Variants in TBCD observed in about 807,000 individuals in gnomAD.
The protein encoded by TBCD is tubulin-specific chaperone D.
TBCD carries 105 observed loss-of-function variants against 169.3 expected under a neutral mutation model. The observed-to-expected ratio is 0.62, with a 90% CI of 0.53 to 0.73. TBCD has a LOEUF of 0.73. Ranked by LOEUF, TBCD falls within the 30% of genes least tolerant of loss-of-function variation. The probability of loss-of-function intolerance (pLI) is 0.00; values close to 1 mark genes in which losing one functional copy is unlikely to be tolerated. For missense variants in TBCD, 1,444 were observed against 1,600.1 expected, an observed-to-expected ratio of 0.90 and a Z score of 1.66; for synonymous variants, 700 against 643.9, an observed-to-expected ratio of 1.09 and a Z score of -1.32.
intron 13 of TBCD, among the ~76,000 whole-genome samples, chr17:82,862,820 A>G (rs1445058133): frequency 6.6e-6 from 1 of 152,218 alleles, no homozygotes; most frequent in Non-Finnish European, 1.5e-5. Flanking sequence ...ATGGAAGTCC[A>G]GGCGGCCACC....
In TBCD at chr17:82,832,010, C is replaced by T. The variant is rs977516372; in HGVS notation, c.1318+17076C>T. The T allele has an allele frequency of 6.2e-7, 1 of 1,612,558 alleles. No homozygotes were observed. Among genetic ancestry groups the T allele is most frequent in the Non-Finnish European group, 8.5e-7 (1 of 1,178,806 alleles). ...GCTGCGCCTTCCAGAGCAGGCTGGG[C>T]ACCGAGGGCGGCTTCCGGAGCTGGG... On this transcript the variant is annotated intron_variant, in intron 13 of 38. Transcript: ENST00000355528. The surrounding 1 kb of genome is among the most constrained non-coding windows in gnomAD (Gnocchi z 4.9).
chr17:82,758,509 T>C (rs988756284), intron 2 of TBCD, among the ~76,000 whole-genome samples: 4 of 149,358 alleles, frequency 2.7e-5, no homozygotes, highest in African/African-American at 9.8e-5. Context: ...CTTGGCCTCC[T>C]AAAGTGCTGG....
intron 13 of TBCD, chr17:82,865,549 G>T (rs2057111340): frequency 1.0e-6 from 1 of 985,464 alleles, no homozygotes. Flanking sequence ...GGGGTACTCG[G>T]CTGCACTGTG....
intron 13 of TBCD, among the ~76,000 whole-genome samples, chr17:82,825,294 T>C (rs955651705): frequency 3.3e-5 from 5 of 151,888 alleles, no homozygotes; most frequent in African/African-American, 1.2e-4. Context: ...TTCTTGGGGG[T>C]GTGATGTGAG....
In TBCD at chr17:82,809,641, C is replaced by A. The variant is rs143716865; in HGVS notation, c.1149-67C>A. The A allele has an allele frequency of 3.0e-4, 449 of 1,516,544 alleles. 2 individuals are homozygous for A. The African/African-American group carries it at 5.7e-3, about 19-fold the overall frequency. 93.9% of individuals were successfully genotyped at this position (1,516,544 alleles called of 1,614,324 possible). ...AGGATGGGTGTTCAGGCCATTCACA[C>A]GTGTCACGCATGCCCTTGGCGACAG... On this transcript the variant is annotated intron_variant, in intron 11 of 38. Transcript: ENST00000355528.
intron 13 of TBCD, among the ~76,000 whole-genome samples, chr17:82,857,864 A>G (rs192763205): frequency 2.6e-5 from 4 of 151,002 alleles, no homozygotes; most frequent in African/African-American, 9.8e-5. Flanking sequence ...TACATGTGCC[A>G]TGCTGCTGCA....
chr17:82,890,937 C>G lies in TBCD; in HGVS notation c.1563+1240C>G, dbSNP rs913151813. Among the ~76,000 whole-genome samples the G allele has an allele frequency of 1.6e-4, 25 of 152,308 alleles. No individual in the cohort carries two copies. Among genetic ancestry groups the G allele is most frequent in the African/African-American group, 5.3e-4 (22 of 41,558 alleles). On this transcript the variant is annotated intron_variant, in intron 16 of 38. Coordinates refer to ENST00000355528, the MANE Select transcript of TBCD (RefSeq NM_005993.5). The surrounding 1 kb of genome is among the most constrained non-coding windows in gnomAD (Gnocchi z 5.3). ...CTTGTTGGAAACCACTTAGCTGAGC[C>G]TAGGGACTTGCCAGCTTCCTGGAAA...
intron 22 of TBCD, among the ~76,000 whole-genome samples, chr17:82,910,128 T>C (rs1186903813): frequency 6.6e-6 from 1 of 152,196 alleles, no homozygotes; most frequent in Non-Finnish European, 1.5e-5. Flanking sequence ...GACGTACAAG[T>C]CTTGGTACGT....
intron 15 of TBCD, among the ~76,000 whole-genome samples, chr17:82,887,436 G>A (rs376038955): frequency 3.3e-5 from 5 of 151,974 alleles, no homozygotes; most frequent in African/African-American, 7.3e-5. Flanking sequence ...TTCTTCTCTC[G>A]GCACAGCTCT....
chr17:82,909,249 T>C (rs1289158121), intron 21 of TBCD, 36 bp from the exon 22 acceptor site: 2 of 1,447,034 alleles, frequency 1.4e-6, no homozygotes, highest in Admixed American at 4.0e-5. Flanking sequence ...TTTTAAAATT[T>C]AAATCATTAA....
intron 7 of TBCD, among the ~76,000 whole-genome samples, chr17:82,794,267 CTGGCTCGCACGTTGCAGAGA>C (rs2049950543): frequency 6.6e-6 from 1 of 151,860 alleles, no homozygotes; most frequent in South Asian, 2.1e-4. Context: ...GGGGGGGAAG[CTGGCTCGCACGTTGCAGAGA>C]AGCCAGCTTG....
chr17:82,908,344 A>ATT (rs776127730), intron 21 of TBCD: 1 of 456,536 alleles, frequency 2.2e-6, no homozygotes, highest in Admixed American at 2.3e-5. Context: ...GTAAAGCAGA[A>ATT]TTTTGTGTGT....
At chr17:82,783,516 C>A (rs1343673951) in intron 7 of TBCD, among the ~76,000 whole-genome samples, 1 of 152,216 alleles carries the variant, frequency 6.6e-6, no homozygotes, top group Non-Finnish European at 1.5e-5. Flanking sequence ...CCGTCCCTCA[C>A]CTTCCCCAGC....
At chr17:82,882,798 G>C (rs560793326) in intron 14 of TBCD, among the ~76,000 whole-genome samples, 2 of 152,154 alleles carry the variant, frequency 1.3e-5, no homozygotes, top group Non-Finnish European at 2.9e-5. Flanking sequence ...GGTCTGGGGC[G>C]ACAGACAGTG....
In TBCD at chr17:82,926,424, A is replaced by C; in HGVS notation, c.2404A>C (p.Thr802Pro). The part of the protein sequence containing the change: ...QQVLTGLRAV[T>P]HTSPEDVSFA... ...GGTTCTCACAGGTTTAAGAGCAGTTACCCACACTTCCCCCGAGGACGTAAG... is the reference window on the plus strand; with the variant it reads ...GGTTCTCACAGGTTTAAGAGCAGTTCCCCACACTTCCCCCGAGGACGTAAG... The change falls in exon 28 of 39, where the codon ACC (threonine) becomes CCC (proline). Residue 802 changes from threonine (T) to proline (P), a missense_variant. Physicochemically the swap from Thr to Pro is conservative, Grantham distance 38. Coordinates refer to ENST00000355528, the MANE Select transcript of TBCD (RefSeq NM_005993.5). 6.2e-7 allele frequency: 1 copy of C among 1,613,972 alleles called. No individual in the cohort carries two copies. Among genetic ancestry groups the C allele is most frequent in the Non-Finnish European group, 8.5e-7 (1 of 1,179,876 alleles).
chr17:82,794,233 C>G (rs901908467), intron 7 of TBCD, among the ~76,000 whole-genome samples: 2 of 151,984 alleles, frequency 1.3e-5, no homozygotes, highest in Non-Finnish European at 2.9e-5. Context: ...CTGTGATTTA[C>G]TGGGCTTGGA....
chr17:82,905,910 T>G (rs1252334891), intron 19 of TBCD, 26 bp from the exon 20 acceptor site: 2 of 1,579,584 alleles, frequency 1.3e-6, no homozygotes, highest in Non-Finnish European at 1.7e-6. Flanking sequence ...CACCCTCACC[T>G]GCCCTCTCGG....
intron 27 of TBCD, among the ~76,000 whole-genome samples, chr17:82,925,490 A>T (rs914331083): frequency 6.6e-6 from 1 of 151,820 alleles, no homozygotes; most frequent in Non-Finnish European, 1.5e-5. Flanking sequence ...CTGCTCTCTC[A>T]CGCTTTCCTG....
At chr17:82,768,342 A>T in intron 4 of TBCD, 78 bp from the exon 5 acceptor site, 1 of 1,554,676 alleles carries the variant, frequency 6.4e-7, no homozygotes, top group South Asian at 1.1e-5. Context: ...CATGGAGGGC[A>T]GTGACTTTGA....
Sources: gnomAD v4.1 joint callset for allele counts (sites outside exome capture counted in the v4.1 genomes callset) on GRCh38, gnomAD v4.1.1 for gene constraint, Gnocchi (gnomAD v3.1) non-coding constraint, MANE v1.5 for transcripts, NCBI Gene and HGNC (gene_info 2026-07-23, HGNC 2026-07-21) for gene names.